Variants in C2CD2 observed in about 807,000 individuals in gnomAD.
The protein encoded by C2CD2 is C2 calcium dependent domain containing 2.
Under a neutral mutation model 74.3 loss-of-function variants are expected in C2CD2, and 43 were observed. That is an observed-to-expected ratio of 0.58 (90% CI 0.45 to 0.75). C2CD2 has a LOEUF of 0.75. Among genes scored for constraint, C2CD2 ranks in the 30% least tolerant of loss-of-function variants. C2CD2 has a pLI of 0.00. For synonymous variants in C2CD2, 422 were observed against 390.7 expected, an observed-to-expected ratio of 1.08 and a Z score of -0.94; for missense variants, 801 against 916.3, an observed-to-expected ratio of 0.87 and a Z score of 1.63.
intron 8 of C2CD2, 42 bp from the exon 9 acceptor site, chr21:41,907,826 C>G: frequency 6.2e-7 from 1 of 1,612,920 alleles, no homozygotes; most frequent in Non-Finnish European, 8.5e-7. Context: ...GCTGATGTTT[C>G]CCGGGCTTCC....
In C2CD2 at chr21:41,926,527, G is replaced by C. The variant is rs901268745; in HGVS notation, c.379-4442C>G. On this transcript the variant is annotated intron_variant, in intron 2 of 13. Transcript: ENST00000380486. This position sits in a 1 kb window ranked among gnomAD's most constrained non-coding sequence, Gnocchi z 8.0. ...GGGGAGGCCTTCATTCACCTTCTCG[G>C]TGCTCTCTCCAGCCTCAACACCTTG... The C allele has an allele frequency of 1.4e-6, 1 of 717,700 alleles. No homozygotes were observed. The highest frequency in any genetic ancestry group is 1.9e-5 in the African/African-American group (1 of 52,218). The allele number at this position is 717,700 out of a possible 1,614,324, so 44.5% of individuals were successfully genotyped here. A position where few individuals can be genotyped will look rare whatever the true frequency, so the allele number is the denominator to read the frequency against.
chr21:41,907,653 G>T lies in C2CD2; in HGVS notation c.1143+7C>A. Reference sequence around the variant, plus strand: ...GAACCCGGCCGCGGCGGACAGCCTCGCCCTACCTCTGCCGTGACCGAGCCC... The same window carrying T: ...GAACCCGGCCGCGGCGGACAGCCTCTCCCTACCTCTGCCGTGACCGAGCCC... On this transcript the variant is annotated splice_region_variant and intron_variant, in intron 9 of 13. Transcript: ENST00000380486. 8 of 1,608,886 alleles carry T rather than the reference G, an allele frequency of 5.0e-6. No homozygotes were observed. The highest frequency in any genetic ancestry group is 6.8e-6 in the Non-Finnish European group (8 of 1,178,708).
chr21:41,942,126 G>T, intron 2 of C2CD2, 21 bp downstream of exon 2: 3 of 1,548,248 alleles, frequency 1.9e-6, no homozygotes, highest in Non-Finnish European at 2.6e-6. Flanking sequence ...CTTCCTGCAG[G>T]GAATGGGCTC....
At chr21:41,948,964 C>G (rs1457013293) in intron 1 of C2CD2, among the ~76,000 whole-genome samples, 2 of 137,128 alleles carry the variant, frequency 1.5e-5, no homozygotes, top group African/African-American at 5.3e-5. Context: ...CTAAAGAAAC[C>G]CTGGGCTGAA....
chr21:41,897,971 A>G (rs901193579), intron 13 of C2CD2, among the ~76,000 whole-genome samples: 5 of 152,238 alleles, frequency 3.3e-5, no homozygotes, highest in African/African-American at 1.2e-4. Context: ...TGTGACAACT[A>G]AAGTGTCTCC....
chr21:41,916,670 C>T (rs1422301299), intron 5 of C2CD2, among the ~76,000 whole-genome samples: 6 of 31,088 alleles, frequency 1.9e-4, no homozygotes, highest in Non-Finnish European at 4.7e-4. Context: ...TGATTACACA[C>T]ACACACACAC....
rs1234883839 is a variant in C2CD2, at chr21:41,926,901, A to G, written c.379-4816T>C. On this transcript the variant is annotated intron_variant, in intron 2 of 13. Coordinates refer to ENST00000380486, the MANE Select transcript of C2CD2 (RefSeq NM_015500.2). This position sits in a 1 kb window ranked among gnomAD's most constrained non-coding sequence, Gnocchi z 8.0. ...CATCACATTCTGTAACACCCAAGGA[A>G]AGAACTCCCAAATAAAAGGAAGGCA... Among the ~76,000 whole-genome samples, 1 of 152,208 alleles carries G rather than the reference A, an allele frequency of 6.6e-6. No homozygotes were observed.
intron 2 of C2CD2, among the ~76,000 whole-genome samples, chr21:41,934,857 T>C (rs1178111227): frequency 7.0e-6 from 1 of 143,822 alleles, no homozygotes; most frequent in Non-Finnish European, 1.5e-5. Context: ...CCTTGCCTCG[T>C]TTTTTTTTTT....
At chr21:41,931,867 TCCCACCACCCCACCTCCA>T (rs2065264445) in intron 2 of C2CD2, among the ~76,000 whole-genome samples, 1 of 114,058 alleles carries the variant, frequency 8.8e-6, no homozygotes, top group Non-Finnish European at 1.9e-5. Flanking sequence ...ACCTCCAACA[TCCCACCACCCCACCTCCA>T]GCATCCCACC....
At chr21:41,919,404 T>C (rs1357655857) in intron 3 of C2CD2, among the ~76,000 whole-genome samples, 1 of 152,230 alleles carries the variant, frequency 6.6e-6, no homozygotes, top group Non-Finnish European at 1.5e-5. Context: ...AAACTCTCTT[T>C]ACCCCCTGCC....
intron 2 of C2CD2, among the ~76,000 whole-genome samples, chr21:41,938,790 G>A (rs1187576092): frequency 3.4e-5 from 5 of 145,476 alleles, no homozygotes; most frequent in Non-Finnish European, 1.5e-5. Context: ...CACCCAAGCT[G>A]GAGTGCACTG....
At chr21:41,928,408 G>A (rs577149538) in intron 2 of C2CD2, among the ~76,000 whole-genome samples, 34 of 152,174 alleles carry the variant, frequency 2.2e-4, no homozygotes, top group South Asian at 1.5e-3. Flanking sequence ...CTCAGAGGAC[G>A]GGGTCTCCAA....
Position 41,926,396 on chromosome 21 carries a change from G to GA in C2CD2, c.379-4312dup, listed in dbSNP as rs1411956475. On this transcript the variant is annotated intron_variant, in intron 2 of 13. Coordinates refer to ENST00000380486, the MANE Select transcript of C2CD2 (RefSeq NM_015500.2). This position sits in a 1 kb window ranked among gnomAD's most constrained non-coding sequence, Gnocchi z 8.0. ...TCTCCACATGGAAAGGCCAAGGGGGGACTCACGGTTGGCAGGTGAGGGTTT... is the reference window on the plus strand; with the variant it reads ...TCTCCACATGGAAAGGCCAAGGGGGGAACTCACGGTTGGCAGGTGAGGGTTT... 2.0e-6 allele frequency: 2 copies of GA among 980,206 alleles called. No individual in the cohort carries two copies. The highest frequency in any genetic ancestry group is 3.5e-5 in the African/African-American group (2 of 57,124). 60.7% of individuals were successfully genotyped at this position (980,206 alleles called of 1,614,324 possible). A position where few individuals can be genotyped will look rare whatever the true frequency, so the allele number is the denominator to read the frequency against.
intron 2 of C2CD2, among the ~76,000 whole-genome samples, chr21:41,934,085 T>C (rs1161890039): frequency 2.0e-5 from 3 of 152,212 alleles, no homozygotes; most frequent in African/African-American, 7.2e-5. Flanking sequence ...TTTAACTTTT[T>C]AATGACCATG....
At chr21:41,949,032 A>C (rs2065428595) in intron 1 of C2CD2, among the ~76,000 whole-genome samples, 1 of 151,988 alleles carries the variant, frequency 6.6e-6, no homozygotes, top group African/African-American at 2.4e-5. Context: ...CATCCCACTC[A>C]GGTGGGCCGC....
chr21:41,909,633 T>C, intron 7 of C2CD2, 110 bp from the exon 8 acceptor site: 1 of 807,538 alleles, frequency 1.2e-6, no homozygotes, highest in Non-Finnish European at 2.2e-6. Flanking sequence ...TGTCAATATT[T>C]AACAAACTAC....
In C2CD2 at chr21:41,939,289, C is replaced by A. The variant is rs1455509704; in HGVS notation, c.378+2858G>T. On this transcript the variant is annotated intron_variant, in intron 2 of 13. Transcript: ENST00000380486. This position sits in a 1 kb window ranked among gnomAD's most constrained non-coding sequence, Gnocchi z 5.5. ...AAAGGATTACAATTGAATTACCTACCGTGTAAGGCCACTTTTCTGGCAATA... is the reference window on the plus strand; with the variant it reads ...AAAGGATTACAATTGAATTACCTACAGTGTAAGGCCACTTTTCTGGCAATA... 6.6e-6 allele frequency among the ~76,000 whole-genome samples: 1 copy of A among 152,134 alleles called. No homozygotes were observed. The highest frequency in any genetic ancestry group is 2.4e-5 in the African/African-American group (1 of 41,430).
intron 6 of C2CD2, among the ~76,000 whole-genome samples, chr21:41,913,546 G>A (rs932302702): frequency 2.0e-5 from 3 of 152,130 alleles, no homozygotes; most frequent in African/African-American, 7.2e-5. Flanking sequence ...GGGAGCTCAC[G>A]TTTAGCCACT....
chr21:41,914,294 T>TTA (rs1381506561), intron 6 of C2CD2, among the ~76,000 whole-genome samples: 1 of 134,890 alleles, frequency 7.4e-6, no homozygotes, highest in African/African-American at 2.7e-5. Context: ...GTTCAACAGT[T>TTA]AAAAAAAAAA....
Sources: gnomAD v4.1 joint callset for allele counts (sites outside exome capture counted in the v4.1 genomes callset) on GRCh38, gnomAD v4.1.1 for gene constraint, Gnocchi (gnomAD v3.1) non-coding constraint, MANE v1.5 for transcripts, NCBI Gene and HGNC (gene_info 2026-07-23, HGNC 2026-07-21) for gene names.